The following RARB variants were observed in gnomAD, a reference collection of about 807,000 sequenced individuals.
RARB encodes retinoic acid receptor beta.
In RARB, 17 loss-of-function variants were observed where a neutral mutation model predicts 51.9. That is an observed-to-expected ratio of 0.33 (90% CI 0.22 to 0.49). The LOEUF (loss-of-function observed/expected upper bound fraction) is 0.49. Ranked by LOEUF, RARB falls within the 20% of genes least tolerant of loss-of-function variation. The pLI is 0.99. For missense variants in RARB, 369 were observed against 550.8 expected (o/e 0.67, Z 3.30); for synonymous variants, 215 against 195.4 (o/e 1.10, Z -0.84).
intron 5 of RARB, among the ~76,000 whole-genome samples, chr3:25,216,657 A>G (rs1701839414): frequency 6.6e-6 from 1 of 151,814 alleles, no homozygotes; most frequent in Non-Finnish European, 1.5e-5. Context: ...TAGCACATGT[A>G]TACTTATTGC....
At chr3:24,900,555 C>T (rs1026371999) in intron 2 of RARB, among the ~76,000 whole-genome samples, 1 of 152,166 alleles carries the variant, frequency 6.6e-6, no homozygotes. Flanking sequence ...GGTTCAATAA[C>T]ATTAGAAACT....
At chr3:25,228,217 GTT>G (rs55796125) in intron 5 of RARB, among the ~76,000 whole-genome samples, 48,305 of 104,260 alleles carry the variant, frequency 0.46, 9,666 homozygotes, top group East Asian at 0.6. Context: ...GACTTTGAGG[GTT>G]TTTTTTTTTT....
chr3:25,596,599 T>A lies in RARB; in HGVS notation c.1330T>A (p.Ser444Thr). The change falls in exon 8 of 8, where the codon TCA (serine) becomes ACA (threonine). Residue 444 changes from serine (S) to threonine (T), a missense_variant. By Grantham distance (58) the Ser-to-Thr change is moderately conservative. Coordinates refer to ENST00000330688, the MANE Select transcript of RARB (RefSeq NM_000965.5). ...SSVENSGVSQ[S>T]PLVQ is the part of the protein sequence containing the mutation. ...AGTGGAAAACAGTGGGGTCAGTCAG[T>A]CACCACTCGTGCAATAAGACATTTT... The A allele has an allele frequency of 6.2e-7, 1 of 1,603,840 alleles. No individual in the cohort carries two copies. The highest frequency in any genetic ancestry group is 2.2e-5 in the East Asian group (1 of 44,768).
At chr3:25,535,953 A>G (rs911313377) in intron 3 of RARB, among the ~76,000 whole-genome samples, 12 of 152,158 alleles carry the variant, frequency 7.9e-5, no homozygotes, top group Non-Finnish European at 1.6e-4. Flanking sequence ...CCCACCTTCC[A>G]TCGTAGGTCA....
chr3:25,553,902 A>G (rs1474675167), intron 3 of RARB, among the ~76,000 whole-genome samples: 6 of 152,086 alleles, frequency 3.9e-5, no homozygotes, highest in Admixed American at 3.3e-4. Flanking sequence ...TACTCGGCCC[A>G]GACATTCTGA....
chr3:25,403,547 T>C (rs1707322268), intron 5 of RARB, among the ~76,000 whole-genome samples: 2 of 152,218 alleles, frequency 1.3e-5, no homozygotes, highest in African/African-American at 4.8e-5. Context: ...ACTTTGCCTT[T>C]AAACCAGAGT....
intron 2 of RARB, among the ~76,000 whole-genome samples, chr3:25,464,339 T>C (rs1188815569): frequency 6.6e-6 from 1 of 152,176 alleles, no homozygotes; most frequent in Non-Finnish European, 1.5e-5. Flanking sequence ...CTGACTCCTT[T>C]TTAGGAAAAA....
At chr3:25,407,684 T>C (rs1034318196) in intron 5 of RARB, among the ~76,000 whole-genome samples, 1 of 152,038 alleles carries the variant, frequency 6.6e-6, no homozygotes, top group Non-Finnish European at 1.5e-5. Flanking sequence ...AGAGTCCCAT[T>C]CATATCCTTT....
chr3:25,261,996 A>G (rs989308812), intron 5 of RARB, among the ~76,000 whole-genome samples: 1 of 152,114 alleles, frequency 6.6e-6, no homozygotes, highest in African/African-American at 2.4e-5. Context: ...TGATGTTTTC[A>G]AAACATAAAC....
rs779403376 is a variant in RARB at position 25,594,593 on chromosome 3, T to C, written c.1065T>C (p.Tyr355=). Residue 355 remains tyrosine, a synonymous_variant, in exon 7 of 8, where the codon TAT becomes TAC. Coordinates refer to ENST00000330688, the MANE Select transcript of RARB (RefSeq NM_000965.5). ...CATTGCTGGAAGCACTAAAAATTTA[T>C]ATCAGAAAAAGACGACCCAGCAAGC... The part of the protein sequence containing the change: ...QEPLLEALKI[Y]IRKRRPSKPH... 1.2e-6 allele frequency: 2 copies of C among 1,613,784 alleles called. No individual in the cohort carries two copies. Among genetic ancestry groups the C allele is most frequent in the Non-Finnish European group, 8.5e-7 (1 of 1,179,864 alleles).
At chr3:24,860,570 C>T (rs915519593) in intron 2 of RARB, among the ~76,000 whole-genome samples, 7 of 152,172 alleles carry the variant, frequency 4.6e-5, no homozygotes, top group East Asian at 1.9e-4. Flanking sequence ...TCCACTGCTG[C>T]TCCCTCTTAC....
At chr3:25,278,131 A>T (rs1240524699) in intron 5 of RARB, among the ~76,000 whole-genome samples, 1 of 152,150 alleles carries the variant, frequency 6.6e-6, no homozygotes, top group East Asian at 1.9e-4. Context: ...CTTCACGGCC[A>T]TTATGAGCAT....
At chr3:24,886,558 C>A (rs185163513) in intron 2 of RARB, among the ~76,000 whole-genome samples, 1 of 151,620 alleles carries the variant, frequency 6.6e-6, no homozygotes, top group Admixed American at 6.6e-5. Flanking sequence ...CATTCTTTCT[C>A]CTCAGTCTCC....
At chr3:24,848,341 G>A (rs1204098533) in intron 1 of RARB, among the ~76,000 whole-genome samples, 2 of 152,172 alleles carry the variant, frequency 1.3e-5, no homozygotes, top group Non-Finnish European at 2.9e-5. Context: ...GATTACAGGT[G>A]TGATCCATGG....
intron 5 of RARB, among the ~76,000 whole-genome samples, chr3:25,327,792 T>C (rs28655271): frequency 0.022 from 3,309 of 152,306 alleles, 117 homozygotes; most frequent in African/African-American, 0.07. Context: ...TGAGATTGGA[T>C]GCAAACAATG....
chr3:24,839,894 T>A (rs931156611), intron 1 of RARB, among the ~76,000 whole-genome samples: 6 of 152,128 alleles, frequency 3.9e-5, no homozygotes, highest in Non-Finnish European at 7.3e-5. Context: ...GAAAAATGTA[T>A]CCTACAAATC....
intron 5 of RARB, among the ~76,000 whole-genome samples, chr3:25,376,858 G>T (rs1050260051): frequency 1.3e-5 from 2 of 152,152 alleles, no homozygotes; most frequent in African/African-American, 4.8e-5. Flanking sequence ...AACTACCAGG[G>T]TGTCCTCTGT....
At position 25,528,250 on chromosome 3, in the gene RARB, G is replaced by A. The variant is rs75259480; in HGVS notation, c.448+26927G>A. ...CGGTTAAACCCCTGAAGGACAGTGT[G>A]CCCAGATGGCCAGCATTTGATTTAG... On this transcript the variant is annotated intron_variant, in intron 3 of 7. Coordinates refer to ENST00000330688, the MANE Select transcript of RARB (RefSeq NM_000965.5). Among the ~76,000 whole-genome samples, 571 of 152,314 alleles carry A rather than the reference G, an allele frequency of 3.7e-3. 18 individuals carry two copies. Among genetic ancestry groups the A allele is most frequent in the Admixed American group, 0.033 (511 of 15,296 alleles).
chr3:24,855,691 C>T (rs1702621815), intron 1 of RARB, among the ~76,000 whole-genome samples: 2 of 151,362 alleles, frequency 1.3e-5, no homozygotes, highest in Admixed American at 1.3e-4. Context: ...AAATCACGAC[C>T]TACCACAGCA....
Sources: gnomAD v4.1 joint callset for allele counts (sites outside exome capture counted in the v4.1 genomes callset) on GRCh38, gnomAD v4.1.1 for gene constraint, MANE v1.5 for transcripts, NCBI Gene and HGNC (gene_info 2026-07-23, HGNC 2026-07-21) for gene names.